The following CCDC24 variants were observed in gnomAD, a reference collection of about 807,000 sequenced individuals.
The protein encoded by CCDC24 is coiled-coil domain-containing protein 24.
Under a neutral mutation model 31.6 loss-of-function variants are expected in CCDC24, and 34 were observed. That is an observed-to-expected ratio of 1.08 (90% CI 0.82 to 1.43). The LOEUF (loss-of-function observed/expected upper bound fraction) is 1.43. Among genes scored for constraint, CCDC24 ranks in the 40% most tolerant of loss-of-function variants. The pLI, the probability that CCDC24 is intolerant of heterozygous loss-of-function variation, is 0.00. For missense variants in CCDC24, 426 were observed against 391.1 expected, an observed-to-expected ratio of 1.09 and a Z score of -0.75; for synonymous variants, 175 against 157.3, an observed-to-expected ratio of 1.11 and a Z score of -0.84.
chr1:43,995,862 C>A lies in CCDC24; in HGVS notation c.701+6C>A. The A allele has an allele frequency of 6.2e-7, 1 of 1,614,222 alleles. No individual in the cohort carries two copies. Among genetic ancestry groups the A allele is most frequent in the East Asian group, 2.2e-5 (1 of 44,892 alleles). On this transcript the variant is annotated splice_donor_region_variant and intron_variant, in intron 8 of 8. Coordinates refer to ENST00000372318, the MANE Select transcript of CCDC24 (RefSeq NM_152499.4). This position sits in a 1 kb window ranked among gnomAD's most constrained non-coding sequence, Gnocchi z 4.3. The stretch of plus-strand genomic sequence containing the variant: ...TGTGTCTCTCCCAACCACAGGTAAA[C>A]CACAACAGTAGACACAGGGCAGGGT...
rs774856483 is a variant in CCDC24 at position 43,995,134 on chromosome 1, C to G, written c.524C>G (p.Thr175Ser). ...LRGLLEEECH[T>S]LEREILILQR... ...GGCCTTCTGGAGGAGGAGTGTCACA[C>G]CTTGGAGAGGGAGATCCTCATCCTG... Residue 175 changes from threonine (T) to serine (S), a missense_variant, in exon 6 of 9, where the codon ACC becomes AGC. Coordinates refer to ENST00000372318, the MANE Select transcript of CCDC24 (RefSeq NM_152499.4). The surrounding 1 kb of genome is among the most constrained non-coding windows in gnomAD (Gnocchi z 4.3). The G allele has an allele frequency of 1.2e-5, 19 of 1,582,196 alleles. No individual in the cohort carries two copies. The highest frequency in any genetic ancestry group is 1.6e-5 in the Non-Finnish European group (19 of 1,164,834).
Position 43,996,172 on chromosome 1 carries a change from C to T in CCDC24, c.*12C>T, listed in dbSNP as rs1361464593. The T allele has an allele frequency of 3.2e-6, 5 of 1,552,642 alleles. No homozygotes were observed. The African/African-American group carries it at 6.8e-5, about 21-fold the overall frequency. On this transcript the variant is annotated 3_prime_UTR_variant, in exon 9 of 9. Coordinates refer to ENST00000372318, the MANE Select transcript of CCDC24 (RefSeq NM_152499.4). ...AAGCCCCAGCCTGAAGGGCTGGTCA[C>T]CGAGTAGGCTCTGGCTTCTGCCACA...
At position 43,992,346 on chromosome 1, in the gene CCDC24, G is replaced by C. The variant is rs1483533296; in HGVS notation, c.261G>C (p.Gln87His). 1.8e-5 allele frequency: 29 copies of C among 1,614,098 alleles called. 1 individual carries two copies. In the Admixed American group the frequency reaches 4.8e-4, roughly 27 times the overall value. The change falls in exon 3 of 9, where the codon CAG (glutamine) becomes CAC (histidine). Residue 87 changes from glutamine (Q) to histidine (H), a missense_variant. By Grantham distance (24) the Gln-to-His change is conservative. Coordinates refer to ENST00000372318, the MANE Select transcript of CCDC24 (RefSeq NM_152499.4). ...LKDLLRQELR[Q>H]LLQGLRHKAI... ...ACCTCTTGCGCCAGGAGCTCCGGCA[G>C]TTGCTCCAGGGTCTCCGCCACAAAG...
Position 43,991,962 on chromosome 1 carries a change from G to T in CCDC24, c.84G>T (p.Leu28=), listed in dbSNP as rs112723057. The change falls in exon 2 of 9, where the codon CTG becomes CTT. Residue 28 remains leucine, a synonymous_variant. Coordinates refer to ENST00000372318, the MANE Select transcript of CCDC24 (RefSeq NM_152499.4). ...AGCGACGCGAAGTGAAGAGGATTCT[G>T]GGGGAGGCGGCGGTGGACCTGAGCC... The part of the protein sequence containing the change: ...LRERREVKRI[L]GEAAVDLSLE... 12 of 1,531,040 alleles carry T rather than the reference G, an allele frequency of 7.8e-6. No individual in the cohort carries two copies. In the South Asian group the frequency reaches 1.2e-4, roughly 16 times the overall value. The allele number at this position is 1,531,040 out of a possible 1,614,324, so 94.8% of individuals were successfully genotyped here.
In CCDC24 at chr1:43,995,440, C is replaced by G; in HGVS notation, c.553-161C>G. 1.2e-6 allele frequency: 1 copy of G among 824,314 alleles called. No individual in the cohort carries two copies. Among genetic ancestry groups the G allele is most frequent in the African/African-American group, 1.7e-5 (1 of 58,194 alleles). 51.1% of individuals were successfully genotyped at this position (824,314 alleles called of 1,614,324 possible). ...GGCCCCACCACTATCTTGCCAAACT[C>G]AGCTCTTCCGCAAGGCTGGTATTCC... is the stretch of plus-strand genomic sequence containing the variant. On this transcript the variant is annotated intron_variant, in intron 6 of 8. Transcript: ENST00000372318. This position sits in a 1 kb window ranked among gnomAD's most constrained non-coding sequence, Gnocchi z 4.3.
Position 43,995,561 on chromosome 1 carries a change from C to T in CCDC24, c.553-40C>T, listed in dbSNP as rs1430195728. The T allele has an allele frequency of 9.7e-6, 15 of 1,553,510 alleles. No homozygotes were observed. The highest frequency in any genetic ancestry group is 1.4e-5 in the African/African-American group (1 of 73,856). ...CCTCTGTATCCTGCCTTGCCCCACCCCTGCCTTGAGTCTGGGCACTGACGC... is the reference window on the plus strand; with the variant it reads ...CCTCTGTATCCTGCCTTGCCCCACCTCTGCCTTGAGTCTGGGCACTGACGC... On this transcript the variant is annotated intron_variant, in intron 6 of 8. Coordinates refer to ENST00000372318, the MANE Select transcript of CCDC24 (RefSeq NM_152499.4). This position sits in a 1 kb window ranked among gnomAD's most constrained non-coding sequence, Gnocchi z 4.3.
rs768127549 is a variant in CCDC24, at chr1:43,995,069, TGTGTCTCG to T, written c.498-37_498-30del. 8 of 1,552,256 alleles carry T rather than the reference TGTGTCTCG, an allele frequency of 5.2e-6. No homozygotes were observed. Reference sequence around the variant, plus strand: ...GGTGGACTCAGCTGAGCCCTGGTCCTGTGTCTCGGGTTCTGGCTGCTGCTCCCTCATGT... The same window carrying T: ...GGTGGACTCAGCTGAGCCCTGGTCCTGGTTCTGGCTGCTGCTCCCTCATGT... On this transcript the variant is annotated intron_variant, in intron 5 of 8. Coordinates refer to ENST00000372318, the MANE Select transcript of CCDC24 (RefSeq NM_152499.4). This position sits in a 1 kb window ranked among gnomAD's most constrained non-coding sequence, Gnocchi z 4.3.
chr1:43,993,942 G>T lies in CCDC24; in HGVS notation c.475G>T (p.Asp159Tyr). The T allele has an allele frequency of 6.2e-7, 1 of 1,614,156 alleles. No homozygotes were observed. Among genetic ancestry groups the T allele is most frequent in the Non-Finnish European group, 8.5e-7 (1 of 1,180,028 alleles). The part of the protein sequence containing the change: ...IKDQLNVSNI[D>Y]QVARHLRGLL... Reference sequence around the variant, plus strand: ...GGACCAACTGAACGTGTCCAACATTGACCAGGTGGCCAGACACCTGAGGTG... The same window carrying T: ...GGACCAACTGAACGTGTCCAACATTTACCAGGTGGCCAGACACCTGAGGTG... Residue 159 changes from aspartate (D) to tyrosine (Y), a missense_variant, in exon 5 of 9, where the codon GAC becomes TAC. Transcript: ENST00000372318.
rs1288790783 is a variant in CCDC24, at chr1:43,996,337, T to C, written c.*177T>C. ...ACCCCCTTGCCAGATCCCTGGTGTC[T>C]GGAGCTGAGTGGCCGGGCATCGGTC... On this transcript the variant is annotated 3_prime_UTR_variant, in exon 9 of 9. Transcript: ENST00000372318. 6 of 594,414 alleles carry C rather than the reference T, an allele frequency of 1.0e-5. No individual in the cohort carries two copies. The Admixed American group carries it at 1.0e-4, about 10-fold the overall frequency. The allele number at this position is 594,414 out of a possible 1,614,324, so 36.8% of individuals were successfully genotyped here.
chr1:43,995,162 G>A lies in CCDC24; in HGVS notation c.552G>A (p.Gln184=). The A allele has an allele frequency of 6.4e-7, 1 of 1,568,968 alleles. No individual in the cohort carries two copies. The highest frequency in any genetic ancestry group is 2.4e-5 in the East Asian group (1 of 42,432). The change falls in exon 6 of 9, where the codon CAG becomes CAA. Residue 184 remains glutamine (Q), a splice_region_variant and synonymous_variant. Coordinates refer to ENST00000372318, the MANE Select transcript of CCDC24 (RefSeq NM_152499.4). The surrounding 1 kb of genome is among the most constrained non-coding windows in gnomAD (Gnocchi z 4.3). Reference sequence around the variant, plus strand: ...TGGAGAGGGAGATCCTCATCCTGCAGGTGAGCCGCAGCCCTGGGCCCTCCC... The same window carrying A: ...TGGAGAGGGAGATCCTCATCCTGCAAGTGAGCCGCAGCCCTGGGCCCTCCC... ...HTLEREILIL[Q]RCLEEEYLRP... is the part of the protein sequence containing the mutation.
At position 43,995,025 on chromosome 1, in the gene CCDC24, C is replaced by A; in HGVS notation, c.498-83C>A. ...AGGTTGGGTGGGGCTCCTGCTGAGG[C>A]TGGAGGTTGGGGCCATGTGGTGGAC... On this transcript the variant is annotated intron_variant, in intron 5 of 8. Coordinates refer to ENST00000372318, the MANE Select transcript of CCDC24 (RefSeq NM_152499.4). This position sits in a 1 kb window ranked among gnomAD's most constrained non-coding sequence, Gnocchi z 4.3. The A allele has an allele frequency of 1.5e-6, 2 of 1,323,414 alleles. No homozygotes were observed. Among genetic ancestry groups the A allele is most frequent in the Non-Finnish European group, 2.1e-6 (2 of 943,266 alleles). The allele number at this position is 1,323,414 out of a possible 1,614,324, so 82.0% of individuals were successfully genotyped here.
At position 43,992,531 on chromosome 1, in the gene CCDC24, C is replaced by T; in HGVS notation, c.311C>T (p.Ala104Val). 6.2e-7 allele frequency: 1 copy of T among 1,614,198 alleles called. No individual in the cohort carries two copies. The highest frequency in any genetic ancestry group is 2.2e-5 in the East Asian group (1 of 44,876). ...HKAICEGRDQAQAWVQYSPRV... is the reference protein window; with the variant it reads ...HKAICEGRDQVQAWVQYSPRV... Reference sequence around the variant, plus strand: ...CTGTGCACCTTCTGCAGGGACCAGGCCCAAGCTTGGGTCCAGTATAGCCCC... The same window carrying T: ...CTGTGCACCTTCTGCAGGGACCAGGTCCAAGCTTGGGTCCAGTATAGCCCC... The change falls in exon 4 of 9, where the codon GCC (alanine) becomes GTC (valine). Residue 104 changes from alanine to valine, a missense_variant. Ala to Val is a moderately conservative substitution (Grantham distance 64). Coordinates refer to ENST00000372318, the MANE Select transcript of CCDC24 (RefSeq NM_152499.4).
At chr1:43,993,223 T>C (rs2085776027) in intron 4 of CCDC24, among the ~76,000 whole-genome samples, 1 of 152,030 alleles carries the variant, frequency 6.6e-6, no homozygotes, top group South Asian at 2.1e-4. Context: ...GGAGGATGGC[T>C]TGAGGCCAGG....
At position 43,995,195 on chromosome 1, in the gene CCDC24, T is replaced by C; in HGVS notation, c.552+33T>C. 6.5e-7 allele frequency: 1 copy of C among 1,549,706 alleles called. No individual in the cohort carries two copies. On this transcript the variant is annotated intron_variant, in intron 6 of 8. Transcript: ENST00000372318. This position sits in a 1 kb window ranked among gnomAD's most constrained non-coding sequence, Gnocchi z 4.3. ...GCAGCCCTGGGCCCTCCCCCGAGCC[T>C]CACTGCTGAGCGTAGACTCTCACCT...
chr1:43,996,203 C>T lies in CCDC24; in HGVS notation c.*43C>T. 6.8e-7 allele frequency: 1 copy of T among 1,465,004 alleles called. No homozygotes were observed. The highest frequency in any genetic ancestry group is 1.4e-5 in the South Asian group (1 of 73,542). 90.8% of individuals were successfully genotyped at this position (1,465,004 alleles called of 1,614,324 possible). On this transcript the variant is annotated 3_prime_UTR_variant, in exon 9 of 9. Transcript: ENST00000372318. ...AGGCTCTGGCTTCTGCCACAGCGCA[C>T]CTGTCTGCCGCTGCCGCCTCAGCTG...
At position 43,995,168 on chromosome 1, in the gene CCDC24, C is replaced by A; in HGVS notation, c.552+6C>A. The A allele has an allele frequency of 6.4e-7, 1 of 1,564,614 alleles. No homozygotes were observed. The highest frequency in any genetic ancestry group is 8.7e-7 in the Non-Finnish European group (1 of 1,155,482). ...GGGAGATCCTCATCCTGCAGGTGAGCCGCAGCCCTGGGCCCTCCCCCGAGC... is the reference window on the plus strand; with the variant it reads ...GGGAGATCCTCATCCTGCAGGTGAGACGCAGCCCTGGGCCCTCCCCCGAGC... On this transcript the variant is annotated splice_donor_region_variant and intron_variant, in intron 6 of 8. Coordinates refer to ENST00000372318, the MANE Select transcript of CCDC24 (RefSeq NM_152499.4). The surrounding 1 kb of genome is among the most constrained non-coding windows in gnomAD (Gnocchi z 4.3).
chr1:43,991,978 G>C lies in CCDC24; in HGVS notation c.100G>C (p.Asp34His). The C allele has an allele frequency of 6.6e-7, 1 of 1,519,642 alleles. No individual in the cohort carries two copies. Among genetic ancestry groups the C allele is most frequent in the Non-Finnish European group, 8.9e-7 (1 of 1,126,926 alleles). The allele number at this position is 1,519,642 out of a possible 1,614,324, so 94.1% of individuals were successfully genotyped here. A position where few individuals can be genotyped will look rare whatever the true frequency, so the allele number is the denominator to read the frequency against. ...GAGGATTCTGGGGGAGGCGGCGGTG[G>C]ACCTGAGCCTGGAGCTGCGGGCGGA... ...VKRILGEAAV[D>H]LSLELRAEVA... The change falls in exon 2 of 9, where the codon GAC becomes CAC. Residue 34 changes from aspartate (D) to histidine (H), a missense_variant. Physicochemically the swap from Asp to His is moderately conservative, Grantham distance 81 (BLOSUM62 -1). Coordinates refer to ENST00000372318, the MANE Select transcript of CCDC24 (RefSeq NM_152499.4).
intron 5 of CCDC24, 156 bp downstream of exon 5, chr1:43,994,120 G>A: frequency 1.5e-6 from 1 of 666,198 alleles, no homozygotes; most frequent in Non-Finnish European, 2.6e-6. Flanking sequence ...CTGCTATAGA[G>A]CTAGTGAGGT....
Position 43,992,258 on chromosome 1 carries a change from C to T in CCDC24, c.173C>T (p.Ala58Val), listed in dbSNP as rs766430842. The T allele has an allele frequency of 6.2e-7, 1 of 1,613,930 alleles. No homozygotes were observed. Among genetic ancestry groups the T allele is most frequent in the South Asian group, 1.1e-5 (1 of 91,054 alleles). ...ALLQEARSSQAPSSRPISDPS... is the reference protein window; with the variant it reads ...ALLQEARSSQVPSSRPISDPS... ...CTCCAAGAGGCTCGATCCTCTCAAG[C>T]CCCCAGCTCCCGCCCCATCTCTGAC... The change falls in exon 3 of 9, where the codon GCC (alanine) becomes GTC (valine). Residue 58 changes from alanine (A) to valine (V), a missense_variant. Coordinates refer to ENST00000372318, the MANE Select transcript of CCDC24 (RefSeq NM_152499.4).
Sources: gnomAD v4.1 joint callset for allele counts (sites outside exome capture counted in the v4.1 genomes callset) on GRCh38, gnomAD v4.1.1 for gene constraint, Gnocchi (gnomAD v3.1) non-coding constraint, MANE v1.5 for transcripts, NCBI Gene and HGNC (gene_info 2026-07-23, HGNC 2026-07-21) for gene names.